ZNF366: variants seen among roughly 807,000 people sequenced by gnomAD.
The protein encoded by ZNF366 is zinc finger protein 366.
In ZNF366, 20 loss-of-function variants were observed where a neutral mutation model predicts 47.2. The ratio of observed to expected loss-of-function variants is 0.42; its 90% CI spans 0.30 to 0.62. The LOEUF (loss-of-function observed/expected upper bound fraction) is 0.62, where lower values mean the gene tolerates loss of function less well. Among genes scored for constraint, ZNF366 ranks in the 20% least tolerant of loss-of-function variants. ZNF366 has a pLI of 0.16. For missense variants in ZNF366, 987 were observed against 976.3 expected (o/e 1.01, Z -0.15); for synonymous variants, 421 against 395.1 (o/e 1.07, Z -0.78).
intron 2 of ZNF366, among the ~76,000 whole-genome samples, chr5:72,459,955 T>TG (rs1267424380): frequency 3.3e-5 from 5 of 152,256 alleles, no homozygotes; most frequent in African/African-American, 1.2e-4. Flanking sequence ...AGAAGGCTGC[T>TG]GGGGCAAAGG....
intron 1 of ZNF366, among the ~76,000 whole-genome samples, chr5:72,467,089 A>G (rs1003242560): frequency 2.0e-5 from 3 of 152,202 alleles, no homozygotes; most frequent in African/African-American, 7.2e-5. Flanking sequence ...ATGTTTGGGA[A>G]ATTAGTTGCA....
chr5:72,441,610 G>T lies in ZNF366; in HGVS notation c.*2146C>A. ...GGCTGACAGGAGAAGCTTTAGGCAAGGTGGCAGGGGAAATGGGTCAGAGAT... is the reference window on the plus strand; with the variant it reads ...GGCTGACAGGAGAAGCTTTAGGCAATGTGGCAGGGGAAATGGGTCAGAGAT... On this transcript the variant is annotated 3_prime_UTR_variant, in exon 5 of 5. Coordinates refer to ENST00000318442, the MANE Select transcript of ZNF366 (RefSeq NM_152625.3). 1 of 152,576 alleles carries T rather than the reference G, an allele frequency of 6.6e-6. No homozygotes were observed. The highest frequency in any genetic ancestry group is 1.5e-5 in the Non-Finnish European group (1 of 68,234). 9.5% of individuals were successfully genotyped at this position (152,576 alleles called of 1,614,324 possible).
At chr5:72,467,853 G>A (rs188299711) in intron 1 of ZNF366, among the ~76,000 whole-genome samples, 1 of 152,248 alleles carries the variant, frequency 6.6e-6, no homozygotes, top group African/African-American at 2.4e-5. Flanking sequence ...CTCAACAGAG[G>A]TGGAAGCAGG....
At chr5:72,488,272 T>C (rs1049741870) in intron 1 of ZNF366, among the ~76,000 whole-genome samples, 1 of 151,194 alleles carries the variant, frequency 6.6e-6, no homozygotes. Flanking sequence ...GAGGAAGAAA[T>C]GCTGGAATTG....
intron 1 of ZNF366, among the ~76,000 whole-genome samples, chr5:72,497,108 G>A (rs943496593): frequency 1.3e-5 from 2 of 151,814 alleles, no homozygotes; most frequent in Non-Finnish European, 2.9e-5. Context: ...TTTTTATAAC[G>A]GTATCTTTTT....
At position 72,460,386 on chromosome 5, in the gene ZNF366, C is replaced by G; in HGVS notation, c.1111G>C (p.Gly371Arg). The change falls in exon 2 of 5, where the codon GGC (glycine) becomes CGC (arginine). Residue 371 changes from glycine to arginine, a missense_variant. Physicochemically the swap from Gly to Arg is moderately radical, Grantham distance 125 (BLOSUM62 -2). Around this residue, in one of 3 missense-constraint regions of ZNF366, gnomAD observed 591 missense variants for 560.9 expected, o/e 1.05. Transcript: ENST00000318442. ...TGGGCCAAGGTGGGGAAGTCGAGGC[C>G]GCACTCCACACAGATGTTCTCGCGC... ...SGRENICVECGLDFPTLAQLK... is the reference protein window; with the variant it reads ...SGRENICVECRLDFPTLAQLK... 6.2e-7 allele frequency: 1 copy of G among 1,614,242 alleles called. No homozygotes were observed. The highest frequency in any genetic ancestry group is 8.5e-7 in the Non-Finnish European group (1 of 1,180,042).
chr5:72,453,317 A>G (rs1394076938), intron 3 of ZNF366, among the ~76,000 whole-genome samples: 2 of 152,258 alleles, frequency 1.3e-5, no homozygotes, highest in African/African-American at 4.8e-5. Flanking sequence ...TCTTCTGCCC[A>G]GCCACGTCAA....
intron 1 of ZNF366, among the ~76,000 whole-genome samples, chr5:72,484,408 C>G (rs1373740364): frequency 1.4e-5 from 2 of 147,744 alleles, no homozygotes; most frequent in Non-Finnish European, 3.0e-5. Flanking sequence ...GGCGTGAACC[C>G]GGGAGGCGGA....
intron 1 of ZNF366, among the ~76,000 whole-genome samples, chr5:72,499,560 T>C (rs1165223713): frequency 6.6e-6 from 1 of 150,794 alleles, no homozygotes; most frequent in African/African-American, 2.4e-5. Context: ...ATAGAACTCT[T>C]TGGTACCCTA....
rs757608999 is a variant in ZNF366 at position 72,447,425 on chromosome 5, A to C, written c.1525-8T>G. 1 of 1,614,008 alleles carries C rather than the reference A, an allele frequency of 6.2e-7. No homozygotes were observed. The highest frequency in any genetic ancestry group is 8.5e-7 in the Non-Finnish European group (1 of 1,179,990). ...GAATTCCTTCCCACAAAGCTGTTGA[A>C]GATGGGGATGAGAACACAGGTTACT... is the stretch of plus-strand genomic sequence containing the variant. On this transcript the variant is annotated splice_region_variant and splice_polypyrimidine_tract_variant and intron_variant, in intron 3 of 4. Transcript: ENST00000318442.
intron 1 of ZNF366, among the ~76,000 whole-genome samples, chr5:72,503,405 C>T (rs560491639): frequency 3.3e-5 from 5 of 152,028 alleles, no homozygotes; most frequent in Non-Finnish European, 2.9e-5. Context: ...CAGAAGAAGA[C>T]GGAGCAAGAC....
intron 2 of ZNF366, among the ~76,000 whole-genome samples, 192 bp downstream of exon 2, chr5:72,459,973 C>T (rs1394325439): frequency 1.3e-5 from 2 of 152,210 alleles, no homozygotes; most frequent in East Asian, 1.9e-4. Context: ...AGGGCTTGGT[C>T]GAGAATCGTT....
chr5:72,506,659 C>T (rs1744322693), intron 1 of ZNF366, among the ~76,000 whole-genome samples: 1 of 152,176 alleles, frequency 6.6e-6, no homozygotes, highest in Admixed American at 6.5e-5. Context: ...TACACTCAAC[C>T]CGCATGGGGA....
chr5:72,444,351 A>G, intron 4 of ZNF366, 60 bp from the exon 5 acceptor site: 3 of 1,539,800 alleles, frequency 1.9e-6, no homozygotes, highest in South Asian at 1.3e-5. Flanking sequence ...TGGGACCTTG[A>G]GGAAGGGGAG....
At chr5:72,495,860 C>T (rs1399249272) in intron 1 of ZNF366, among the ~76,000 whole-genome samples, 1 of 152,190 alleles carries the variant, frequency 6.6e-6, no homozygotes, top group Non-Finnish European at 1.5e-5. Context: ...AAAGGAAATA[C>T]AGTTAAATGT....
chr5:72,460,671 T>G lies in ZNF366; in HGVS notation c.826A>C (p.Ser276Arg), dbSNP rs1328409674. The change falls in exon 2 of 5, where the codon AGT (serine) becomes CGT (arginine). Residue 276 changes from serine to arginine, a missense_variant. Around this residue, in one of 3 missense-constraint regions of ZNF366, gnomAD observed 591 missense variants for 560.9 expected, o/e 1.05. Transcript: ENST00000318442. ...GTGCACGCGTGCGGCTTGATCCCAC[T>G]GTGGCCCAGGATGTGGGTGACCAGG... ...YNLVTHILGH[S>R]GIKPHACTHC... The G allele has an allele frequency of 6.2e-7, 1 of 1,614,216 alleles. No individual in the cohort carries two copies. Among genetic ancestry groups the G allele is most frequent in the South Asian group, 1.1e-5 (1 of 91,086 alleles).
chr5:72,477,914 T>C (rs537888731), intron 1 of ZNF366, among the ~76,000 whole-genome samples: 22 of 152,214 alleles, frequency 1.4e-4, no homozygotes, highest in Non-Finnish European at 3.2e-4. Flanking sequence ...CTGAGGTCTA[T>C]AGTTTGCCAA....
At chr5:72,498,812 G>A (rs1054305221) in intron 1 of ZNF366, among the ~76,000 whole-genome samples, 7 of 152,192 alleles carry the variant, frequency 4.6e-5, no homozygotes, top group African/African-American at 1.7e-4. Flanking sequence ...CCTAGCGATA[G>A]CACTTCAGCA....
intron 3 of ZNF366, among the ~76,000 whole-genome samples, chr5:72,448,418 A>G (rs1423089110): frequency 1.3e-5 from 2 of 152,220 alleles, no homozygotes; most frequent in Non-Finnish European, 2.9e-5. Context: ...CAGAAAGCGC[A>G]ACCCAGAAGC....
Sources: gnomAD v4.1 joint callset for allele counts (sites outside exome capture counted in the v4.1 genomes callset) on GRCh38, gnomAD v4.1.1 for gene constraint, gnomAD v4.1.1 regional missense constraint, MANE v1.5 for transcripts, NCBI Gene and HGNC (gene_info 2026-07-23, HGNC 2026-07-21) for gene names.